Variants in UNC13C observed in about 807,000 individuals in gnomAD.
UNC13C encodes the protein unc-13 homolog C.
UNC13C carries 174 observed loss-of-function variants against 245.4 expected under a neutral mutation model. The observed-to-expected ratio is 0.71, with a 90% confidence interval of 0.63 to 0.80. The LOEUF (loss-of-function observed/expected upper bound fraction) is 0.80. UNC13C is among the 30% of genes least tolerant of loss of function. The pLI is 0.00. For synonymous variants in UNC13C, 992 were observed against 895.1 expected (o/e 1.11, Z -1.93); for missense variants, 2,829 against 2,602.9 (o/e 1.09, Z -1.89).
intron 17 of UNC13C, among the ~76,000 whole-genome samples, chr15:54,376,822 G>T (rs1461761371): frequency 1.3e-5 from 2 of 152,184 alleles, no homozygotes; most frequent in Non-Finnish European, 2.9e-5. Flanking sequence ...TAGGTTTCAT[G>T]ATGTCCCCCA....
chr15:54,220,123 G>A (rs2035176143), intron 4 of UNC13C, among the ~76,000 whole-genome samples: 1 of 150,452 alleles, frequency 6.6e-6, no homozygotes, highest in Admixed American at 6.6e-5. Flanking sequence ...TATAAATCAT[G>A]CTGCTATAAA....
chr15:54,286,161 G>A (rs567902260), intron 10 of UNC13C, among the ~76,000 whole-genome samples: 1 of 152,170 alleles, frequency 6.6e-6, no homozygotes, highest in East Asian at 1.9e-4. Context: ...GATTACAGGC[G>A]TGAGCCACTC....
At chr15:54,199,682 T>C (rs2034461686) in intron 4 of UNC13C, among the ~76,000 whole-genome samples, 1 of 152,044 alleles carries the variant, frequency 6.6e-6, no homozygotes, top group Admixed American at 6.6e-5. Flanking sequence ...ACAAAGACTG[T>C]TAGAGGAGCT....
At chr15:54,404,222 ACTTTT>A (rs1381199114) in intron 18 of UNC13C, among the ~76,000 whole-genome samples, 1 of 152,196 alleles carries the variant, frequency 6.6e-6, no homozygotes, top group East Asian at 1.9e-4. Flanking sequence ...TAATTAACCT[ACTTTT>A]CTTCAAAGAC....
chr15:54,243,379 C>A (rs1229391661), intron 7 of UNC13C, among the ~76,000 whole-genome samples: 1 of 152,146 alleles, frequency 6.6e-6, no homozygotes, highest in African/African-American at 2.4e-5. Context: ...TTTATCCAGT[C>A]TATCATTGAT....
intron 2 of UNC13C, among the ~76,000 whole-genome samples, chr15:54,034,482 G>A (rs1259703767): frequency 1.3e-5 from 2 of 152,024 alleles, no homozygotes; most frequent in East Asian, 3.9e-4. Context: ...TTTTCTTCAG[G>A]CACCTAGGTT....
intron 19 of UNC13C, among the ~76,000 whole-genome samples, chr15:54,447,752 G>T (rs913031280): frequency 3.3e-4 from 50 of 152,028 alleles, no homozygotes; most frequent in South Asian, 1.0e-3. Context: ...TTTTTGAAGG[G>T]TTTTCTGTGT....
At chr15:54,302,990 C>A (rs2037627541) in intron 13 of UNC13C, among the ~76,000 whole-genome samples, 1 of 151,924 alleles carries the variant, frequency 6.6e-6, no homozygotes, top group Non-Finnish European at 1.5e-5. Flanking sequence ...TTTTTCAGTA[C>A]ATAGAATGTC....
intron 19 of UNC13C, among the ~76,000 whole-genome samples, chr15:54,466,111 C>T (rs1892150583): frequency 6.6e-6 from 1 of 151,890 alleles, no homozygotes; most frequent in South Asian, 2.1e-4. Flanking sequence ...TTTGCATGTT[C>T]TCACTCATAT....
At chr15:54,597,999 A>G (rs904282766) in intron 30 of UNC13C, among the ~76,000 whole-genome samples, 1 of 152,246 alleles carries the variant, frequency 6.6e-6, no homozygotes, top group Admixed American at 6.5e-5. Context: ...CCTATTTTAG[A>G]TGTTTACATG....
intron 2 of UNC13C, among the ~76,000 whole-genome samples, chr15:54,119,360 A>G (rs1329851161): frequency 6.6e-6 from 1 of 152,122 alleles, no homozygotes; most frequent in Non-Finnish European, 1.5e-5. Flanking sequence ...TATGTGTATT[A>G]TAGTGATCTG....
At chr15:54,551,428 C>G (rs531262144) in intron 28 of UNC13C, among the ~76,000 whole-genome samples, 1 of 152,110 alleles carries the variant, frequency 6.6e-6, no homozygotes, top group African/African-American at 2.4e-5. Context: ...AACTGACATA[C>G]TCACCCTGAG....
At chr15:54,392,662 T>G (rs1167419300) in intron 17 of UNC13C, among the ~76,000 whole-genome samples, 1 of 151,746 alleles carries the variant, frequency 6.6e-6, no homozygotes, top group Admixed American at 6.6e-5. Context: ...CACACACCTT[T>G]GTACACACAA....
chr15:53,927,415 G>A, the UNC13C span, among the ~76,000 whole-genome samples: 1 of 152,184 alleles, frequency 6.6e-6, no homozygotes, highest in African/African-American at 2.4e-5. Context: ...GTAAGAGAGA[G>A]GGACTGAACA....
downstream of UNC13C, chr15:54,632,182 T>C (rs1332208584): frequency 1.3e-5 from 2 of 152,284 alleles, no homozygotes; most frequent in East Asian, 3.9e-4. Context: ...ATTTAATGAG[T>C]TGTTTATTGT....
rs190290175 is a variant in UNC13C, at chr15:54,443,881, C to A, written c.4933+28814C>A. 2.7e-3 allele frequency among the ~76,000 whole-genome samples: 411 copies of A among 152,096 alleles called. 3 individuals carry two copies. The highest frequency in any genetic ancestry group is 8.8e-3 in the African/African-American group (366 of 41,536). ...GATGAGAAGAATGTATATTCCGTAG[C>A]TGTTGAATAAAGTGTTCTGTAAAGG... On this transcript the variant is annotated intron_variant, in intron 19 of 32. Transcript: ENST00000260323.
chr15:54,044,788 C>T (rs778981618), intron 2 of UNC13C, among the ~76,000 whole-genome samples: 11 of 152,052 alleles, frequency 7.2e-5, no homozygotes, highest in South Asian at 2.1e-4. Flanking sequence ...TCCATCATCT[C>T]GTGTAGCTGC....
chr15:53,891,783 C>A, the UNC13C span, among the ~76,000 whole-genome samples: 1 of 152,194 alleles, frequency 6.6e-6, no homozygotes, highest in African/African-American at 2.4e-5. Flanking sequence ...CTCCTGAATA[C>A]AGCACACCGA....
chr15:54,448,140 A>C, intron 19 of UNC13C, among the ~76,000 whole-genome samples: 1 of 152,148 alleles, frequency 6.6e-6, no homozygotes, highest in East Asian at 1.9e-4. Context: ...TCTGAGAGAC[A>C]GTTTGTTATA....
Sources: gnomAD v4.1 joint callset for allele counts (sites outside exome capture counted in the v4.1 genomes callset) on GRCh38, gnomAD v4.1.1 for gene constraint, MANE v1.5 for transcripts, NCBI Gene and HGNC (gene_info 2026-07-23, HGNC 2026-07-21) for gene names.